The following RGS6 variants were observed in gnomAD, a reference collection of about 807,000 sequenced individuals.
The protein encoded by RGS6 is regulator of G protein signaling 6, also known as regulator of G-protein signaling 6.
RGS6 carries 30 observed loss-of-function variants against 78.5 expected under a neutral mutation model. The ratio of observed to expected loss-of-function variants is 0.38; its 90% CI spans 0.29 to 0.52. RGS6 has a LOEUF of 0.52. RGS6 is among the 20% of genes least tolerant of loss of function. RGS6 has a pLI of 0.85. For missense variants in RGS6, 495 were observed against 609.7 expected (o/e 0.81, Z 1.98); for synonymous variants, 206 against 206.0 (o/e 1.00, Z 0.00).
At position 72,162,732 on chromosome 14, in the gene RGS6, T is replaced by C. The variant is rs143195609; in HGVS notation, c.85-189363T>C. 4.5e-3 allele frequency among the ~76,000 whole-genome samples: 688 copies of C among 151,992 alleles called. 8 individuals carry two copies. The highest frequency in any genetic ancestry group is 0.016 in the African/African-American group (651 of 41,446). ...GCAGCACAATTCGCAATTGCAAAAATATGTAACCAGTCCAAATGCCCATCA... is the reference window on the plus strand; with the variant it reads ...GCAGCACAATTCGCAATTGCAAAAACATGTAACCAGTCCAAATGCCCATCA... On this transcript the variant is annotated intron_variant, in intron 2 of 17. Transcript: ENST00000553525.
intron 2 of RGS6, among the ~76,000 whole-genome samples, chr14:72,135,334 C>G (rs922677726): frequency 5.3e-5 from 8 of 152,120 alleles, no homozygotes; most frequent in South Asian, 2.1e-4. Context: ...TCGCTTGGCT[C>G]TAGTCCTGGT....
At chr14:72,408,005 G>C (rs1336899938) in intron 3 of RGS6, among the ~76,000 whole-genome samples, 3 of 152,226 alleles carry the variant, frequency 2.0e-5, no homozygotes, top group Admixed American at 6.6e-5. Flanking sequence ...CTCCACTGGA[G>C]AGAGTCAGAG....
chr14:71,904,896 C>CT, the RGS6 span, among the ~76,000 whole-genome samples: 52 of 150,202 alleles, frequency 3.5e-4, no homozygotes, highest in Non-Finnish European at 6.4e-4. Context: ...ACTCCATTAT[C>CT]TTTTTTTTTT....
rs572078785 is a variant in RGS6, at chr14:72,183,003, A to C, written c.85-169092A>C. 1.1e-4 allele frequency among the ~76,000 whole-genome samples: 17 copies of C among 152,338 alleles called. 1 individual carries two copies. In the South Asian group the frequency reaches 3.5e-3, roughly 32 times the overall value. ...CCGGGCTAGCACCTCCTTCAGCCACATGGTAAGGTCCCAGAAACATTTGAT... is the reference window on the plus strand; with the variant it reads ...CCGGGCTAGCACCTCCTTCAGCCACCTGGTAAGGTCCCAGAAACATTTGAT... On this transcript the variant is annotated intron_variant, in intron 2 of 17. Coordinates refer to ENST00000553525, the MANE Select transcript of RGS6 (RefSeq NM_001204424.2).
At chr14:72,539,979 T>C (rs1359420550) in intron 16 of RGS6, 62 bp from the exon 17 acceptor site, 7 of 1,425,094 alleles carry the variant, frequency 4.9e-6, no homozygotes, top group Non-Finnish European at 6.6e-6. Context: ...GGGAACCACG[T>C]ATAAGCTGAA....
At chr14:72,319,793 G>T (rs1383977885) in intron 2 of RGS6, among the ~76,000 whole-genome samples, 1 of 152,114 alleles carries the variant, frequency 6.6e-6, no homozygotes, top group African/African-American at 2.4e-5. Context: ...GTATTAGAAA[G>T]AAAATAGTAT....
intron 2 of RGS6, among the ~76,000 whole-genome samples, chr14:72,108,603 T>G (rs1488092644): frequency 4.6e-5 from 7 of 152,036 alleles, no homozygotes; most frequent in African/African-American, 1.7e-4. Context: ...CTTCTTATCT[T>G]TCTTAAGTTC....
the RGS6 span, among the ~76,000 whole-genome samples, chr14:71,895,583 T>G: frequency 6.6e-6 from 1 of 152,220 alleles, no homozygotes; most frequent in Admixed American, 6.5e-5. Flanking sequence ...GTGTTGATGA[T>G]CAGCTGCTTG....
chr14:72,195,737 C>CAAGT (rs2039944933), intron 2 of RGS6, among the ~76,000 whole-genome samples: 1 of 152,210 alleles, frequency 6.6e-6, no homozygotes, highest in Admixed American at 6.5e-5. Context: ...CTGTTGTTAG[C>CAAGT]TATTTGACGG....
rs1446907275 is a variant in RGS6 at position 71,984,919 on chromosome 14, A to G, written c.84+20044A>G. On this transcript the variant is annotated intron_variant, in intron 2 of 17. Coordinates refer to ENST00000553525, the MANE Select transcript of RGS6 (RefSeq NM_001204424.2). ...AGAATCAAAATATAAAGTAGAGAAA[A>G]AATCTCACATATTCCTATCATGCAA... Among the ~76,000 whole-genome samples the G allele has an allele frequency of 1.3e-5, 2 of 152,174 alleles. 1 individual carries two copies. Among genetic ancestry groups the G allele is most frequent in the East Asian group, 3.8e-4 (2 of 5,196 alleles).
chr14:71,870,940 A>G, the RGS6 span, among the ~76,000 whole-genome samples: 1 of 152,202 alleles, frequency 6.6e-6, no homozygotes, highest in Non-Finnish European at 1.5e-5. Flanking sequence ...GGGCTGGCAG[A>G]GATTGTGTAC....
chr14:72,013,514 G>T (rs974731210), intron 2 of RGS6, among the ~76,000 whole-genome samples: 2 of 152,176 alleles, frequency 1.3e-5, no homozygotes, highest in Non-Finnish European at 1.5e-5. Context: ...AATGAAGGAA[G>T]AATTAGTCTT....
At chr14:72,443,249 C>T (rs1026005610) in intron 3 of RGS6, among the ~76,000 whole-genome samples, 1 of 152,202 alleles carries the variant, frequency 6.6e-6, no homozygotes, top group Non-Finnish European at 1.5e-5. Flanking sequence ...GAGGTAGACT[C>T]TAGGGCTGGC....
chr14:72,213,713 T>G (rs1044019199), intron 2 of RGS6, among the ~76,000 whole-genome samples: 3 of 152,178 alleles, frequency 2.0e-5, no homozygotes, highest in Non-Finnish European at 2.9e-5. Context: ...CTAGCCATGT[T>G]TATTCCTCTT....
chr14:72,011,309 A>G (rs118072630), intron 2 of RGS6, among the ~76,000 whole-genome samples: 3,717 of 152,302 alleles, frequency 0.024, 48 homozygotes, highest in Middle Eastern at 0.041. Flanking sequence ...CCTGCTTTCA[A>G]TCCCATATAC....
At chr14:72,422,264 A>G (rs2094224824) in intron 3 of RGS6, among the ~76,000 whole-genome samples, 1 of 152,208 alleles carries the variant, frequency 6.6e-6, no homozygotes, top group Non-Finnish European at 1.5e-5. Flanking sequence ...GCAGCATGAA[A>G]ATGGACTAAT....
chr14:72,545,335 C>T (rs1280845216), intron 17 of RGS6, among the ~76,000 whole-genome samples: 1 of 152,210 alleles, frequency 6.6e-6, no homozygotes, highest in Non-Finnish European at 1.5e-5. Context: ...GGGAAACCTG[C>T]CTCTCTGGAG....
At chr14:72,051,949 G>A (rs971848608) in intron 2 of RGS6, among the ~76,000 whole-genome samples, 1 of 152,046 alleles carries the variant, frequency 6.6e-6, no homozygotes, top group African/African-American at 2.4e-5. Flanking sequence ...GTCTATCTAA[G>A]AAATTCTAGG....
intron 16 of RGS6, among the ~76,000 whole-genome samples, chr14:72,537,150 C>T (rs1175385136): frequency 2.0e-5 from 3 of 152,178 alleles, no homozygotes; most frequent in Non-Finnish European, 1.5e-5. Flanking sequence ...AAGTGTGGCT[C>T]AACTTGCACC....
Sources: gnomAD v4.1 joint callset for allele counts (sites outside exome capture counted in the v4.1 genomes callset) on GRCh38, gnomAD v4.1.1 for gene constraint, MANE v1.5 for transcripts, NCBI Gene and HGNC (gene_info 2026-07-23, HGNC 2026-07-21) for gene names.